The following CNBD1 variants were observed in gnomAD, a reference collection of about 807,000 sequenced individuals.
CNBD1 encodes cyclic nucleotide-binding domain-containing protein 1.
A neutral mutation model predicts 54.4 loss-of-function variants in CNBD1; 71 were observed. That is an observed-to-expected ratio of 1.30 (90% confidence interval 1.08 to 1.59). CNBD1 has a LOEUF of 1.59. Among genes scored for constraint, CNBD1 ranks in the 40% most tolerant of loss-of-function variants. The pLI is 0.00. For missense variants in CNBD1, 659 were observed against 518.0 expected, an observed-to-expected ratio of 1.27 and a Z score of -2.64; for synonymous variants, 182 against 170.7, an observed-to-expected ratio of 1.07 and a Z score of -0.51.
intron 4 of CNBD1, among the ~76,000 whole-genome samples, chr8:87,189,697 C>T (rs1813558176): frequency 6.6e-6 from 1 of 152,090 alleles, no homozygotes; most frequent in Non-Finnish European, 1.5e-5. Context: ...CGTGCTGTGC[C>T]TCTGATGTGT....
At chr8:87,387,573 G>A (rs898046695), downstream of CNBD1, among the ~76,000 whole-genome samples, 20 of 152,130 alleles carry the variant, frequency 1.3e-4, no homozygotes, top group Admixed American at 2.6e-4. Context: ...AAACATATAT[G>A]CACCCAATAC....
chr8:87,287,599 A>G (rs1007287863), intron 8 of CNBD1, among the ~76,000 whole-genome samples: 6 of 152,188 alleles, frequency 3.9e-5, no homozygotes, highest in Non-Finnish European at 5.9e-5. Context: ...CTAGACAGCT[A>G]CTATTTTAAT....
chr8:86,991,790 C>T (rs1471820552), intron 4 of CNBD1, among the ~76,000 whole-genome samples: 1 of 152,048 alleles, frequency 6.6e-6, no homozygotes, highest in Admixed American at 6.5e-5. Flanking sequence ...TATTCAGGAG[C>T]AAATGTTCAA....
At chr8:87,219,512 A>G (rs1814280726) in intron 5 of CNBD1, among the ~76,000 whole-genome samples, 1 of 151,974 alleles carries the variant, frequency 6.6e-6, no homozygotes, top group Non-Finnish European at 1.5e-5. Flanking sequence ...CAGGATGTCT[A>G]AAGACCATAT....
At chr8:87,409,222 A>AGAT in intron 2 of CNBD1, among the ~76,000 whole-genome samples, 1 of 152,182 alleles carries the variant, frequency 6.6e-6, no homozygotes, top group Non-Finnish European at 1.5e-5. Context: ...ATAATAAGAA[A>AGAT]GCAACAGTTC....
At chr8:87,304,876 A>G (rs1809108760) in intron 8 of CNBD1, among the ~76,000 whole-genome samples, 1 of 151,872 alleles carries the variant, frequency 6.6e-6, no homozygotes, top group East Asian at 1.9e-4. Flanking sequence ...CACTCCCACC[A>G]CTCCTCTTCA....
intron 6 of CNBD1, among the ~76,000 whole-genome samples, chr8:87,268,782 A>C (rs1440209678): frequency 1.3e-5 from 2 of 151,648 alleles, no homozygotes; most frequent in African/African-American, 4.8e-5. Flanking sequence ...GGGTTTTTGC[A>C]TGTTGAATTA....
At chr8:87,014,156 C>A (rs966063826) in intron 4 of CNBD1, among the ~76,000 whole-genome samples, 9 of 150,882 alleles carry the variant, frequency 6.0e-5, no homozygotes, top group South Asian at 2.1e-4. Context: ...CAAAAAAAAA[C>A]CAGAAGAGTA....
At chr8:87,006,848 C>T (rs1435604883) in intron 4 of CNBD1, among the ~76,000 whole-genome samples, 1 of 152,164 alleles carries the variant, frequency 6.6e-6, no homozygotes, top group Non-Finnish European at 1.5e-5. Flanking sequence ...TAAGATAAAG[C>T]TATTTAAACA....
chr8:87,160,094 A>C (rs912714848), intron 4 of CNBD1, among the ~76,000 whole-genome samples: 1 of 152,038 alleles, frequency 6.6e-6, no homozygotes, highest in Non-Finnish European at 1.5e-5. Flanking sequence ...CAAGTAAACT[A>C]TAATTTTTAA....
chr8:87,132,115 A>G (rs144765782), intron 4 of CNBD1, among the ~76,000 whole-genome samples: 152 of 151,920 alleles, frequency 1.0e-3, no homozygotes, highest in African/African-American at 3.5e-3. Context: ...ACTGCTTTTA[A>G]GATTTTTATG....
intron 6 of CNBD1, among the ~76,000 whole-genome samples, chr8:87,244,415 T>C (rs571129120): frequency 1.3e-5 from 2 of 152,292 alleles, no homozygotes; most frequent in Non-Finnish European, 2.9e-5. Flanking sequence ...GACTTTCTTT[T>C]CACAGACCCA....
chr8:87,237,072 C>G lies in CNBD1; in HGVS notation c.731C>G (p.Ser244Cys), dbSNP rs1807599149. ...SFIWSEEFKNSTLAEMYLPSY... is the reference protein window; with the variant it reads ...SFIWSEEFKNCTLAEMYLPSY... ...ATTTGGAGTGAAGAATTCAAAAACTCTACACTTGCTGAGATGTACCTACCT... is the reference window on the plus strand; with the variant it reads ...ATTTGGAGTGAAGAATTCAAAAACTGTACACTTGCTGAGATGTACCTACCT... Residue 244 changes from serine to cysteine, a missense_variant, in exon 6 of 11, where the codon TCT becomes TGT. Transcript: ENST00000518476. 6.2e-7 allele frequency: 1 copy of G among 1,611,784 alleles called. No homozygotes were observed.
chr8:86,877,944 G>C (rs926979073), intron 1 of CNBD1, among the ~76,000 whole-genome samples: 1 of 151,742 alleles, frequency 6.6e-6, no homozygotes, highest in Non-Finnish European at 1.5e-5. Context: ...TGTCATTTTT[G>C]CAGTTTCCCA....
chr8:87,235,134 G>A (rs917163046), intron 5 of CNBD1, among the ~76,000 whole-genome samples: 2 of 152,100 alleles, frequency 1.3e-5, no homozygotes, highest in South Asian at 4.1e-4. Flanking sequence ...CAGAAATAGG[G>A]CCTTGTTCTG....
intron 5 of CNBD1, among the ~76,000 whole-genome samples, chr8:87,214,221 CTG>C (rs1814159841): frequency 1.3e-5 from 2 of 152,258 alleles, no homozygotes; most frequent in South Asian, 4.1e-4. Flanking sequence ...CCTTTTAAAA[CTG>C]AATGCTTTTA....
intron 4 of CNBD1, among the ~76,000 whole-genome samples, chr8:87,200,443 T>C (rs1416089925): frequency 6.6e-6 from 1 of 151,546 alleles, no homozygotes; most frequent in Non-Finnish European, 1.5e-5. Flanking sequence ...ATAAATGAAA[T>C]AGAGAATAAA....
At chr8:87,126,705 T>A (rs1204656235) in intron 4 of CNBD1, among the ~76,000 whole-genome samples, 1 of 151,924 alleles carries the variant, frequency 6.6e-6, no homozygotes, top group East Asian at 1.9e-4. Context: ...ATCATAGCAA[T>A]TTTTGCCTAA....
At chr8:87,102,122 C>T (rs977163965) in intron 4 of CNBD1, among the ~76,000 whole-genome samples, 2 of 152,066 alleles carry the variant, frequency 1.3e-5, no homozygotes, top group South Asian at 2.1e-4. Flanking sequence ...CTCCTGACTT[C>T]GTGATCTGCC....
Sources: gnomAD v4.1 joint callset for allele counts (sites outside exome capture counted in the v4.1 genomes callset) on GRCh38, gnomAD v4.1.1 for gene constraint, MANE v1.5 for transcripts, NCBI Gene and HGNC (gene_info 2026-07-23, HGNC 2026-07-21) for gene names.